Variants in CSMD1 observed in about 807,000 individuals in gnomAD.
CSMD1 encodes CUB and sushi domain-containing protein 1.
CSMD1 carries 213 observed loss-of-function variants against 417.5 expected under a neutral mutation model. The observed-to-expected ratio is 0.51, with a 90% confidence interval of 0.46 to 0.57. The LOEUF (loss-of-function observed/expected upper bound fraction) is 0.57. Ranked by LOEUF, CSMD1 falls within the 20% of genes least tolerant of loss-of-function variation. The pLI, the probability that CSMD1 is intolerant of heterozygous loss-of-function variation, is 0.00. For missense variants in CSMD1, 6,923 were observed against 4,529.7 expected (o/e 1.53, Z -15.17); for synonymous variants, 2,862 against 1,736.8 (o/e 1.65, Z -16.11).
intron 3 of CSMD1, among the ~76,000 whole-genome samples, chr8:4,394,212 G>A (rs752319492): frequency 2.0e-5 from 3 of 152,070 alleles, no homozygotes; most frequent in Non-Finnish European, 4.4e-5. Flanking sequence ...AAGTGCCTAG[G>A]TCTTAGAAAA....
At chr8:4,295,437 T>TATATAATCTTATTATACAC (rs1473672058) in intron 3 of CSMD1, among the ~76,000 whole-genome samples, 6 of 144,206 alleles carry the variant, frequency 4.2e-5, no homozygotes, top group South Asian at 4.4e-4. Flanking sequence ...TCTTAAGATA[T>TATATAATCTTATTATACAC]ATATAATCTT....
chr8:4,844,269 C>T (rs1337761044), intron 1 of CSMD1, among the ~76,000 whole-genome samples: 1 of 152,038 alleles, frequency 6.6e-6, no homozygotes, highest in African/African-American at 2.4e-5. Context: ...TTTGGGGACT[C>T]GGTGTTTTTG....
intron 7 of CSMD1, among the ~76,000 whole-genome samples, chr8:3,625,410 G>A (rs920875588): frequency 3.4e-5 from 5 of 149,112 alleles, no homozygotes; most frequent in Admixed American, 3.3e-4. Context: ...TACATTGCCA[G>A]ATTTTTTTGT....
At chr8:4,949,577 G>A (rs145180363) in intron 1 of CSMD1, among the ~76,000 whole-genome samples, 6 of 152,274 alleles carry the variant, frequency 3.9e-5, no homozygotes, top group South Asian at 2.1e-4. Flanking sequence ...ATCCAGTGAT[G>A]CTGCCAAAGT....
chr8:3,655,658 CGTTTTT>C (rs1798064833), intron 7 of CSMD1, among the ~76,000 whole-genome samples: 3 of 80,452 alleles, frequency 3.7e-5, no homozygotes, highest in Non-Finnish European at 5.3e-5. Context: ...ATGGAGGTTG[CGTTTTT>C]TTTTTTTTTT....
intron 3 of CSMD1, among the ~76,000 whole-genome samples, chr8:4,098,526 A>C (rs17068968): frequency 0.064 from 9,674 of 152,206 alleles, 768 homozygotes; most frequent in African/African-American, 0.18. Context: ...TGCGAAGTCA[A>C]CCACAGAGAG....
chr8:4,813,469 T>C (rs1477628064), intron 1 of CSMD1, among the ~76,000 whole-genome samples: 1 of 152,166 alleles, frequency 6.6e-6, no homozygotes, highest in East Asian at 1.9e-4. Context: ...ACAGAACGTA[T>C]CAAAAAATAA....
At chr8:3,957,806 A>G (rs1812064656) in intron 5 of CSMD1, among the ~76,000 whole-genome samples, 1 of 152,218 alleles carries the variant, frequency 6.6e-6, no homozygotes, top group African/African-American at 2.4e-5. Context: ...TTAGTTTCAT[A>G]AAGCTCAGAG....
At position 3,052,547 on chromosome 8, in the gene CSMD1, G is replaced by A; in HGVS notation, c.7575C>T (p.Phe2525=). The A allele has an allele frequency of 6.2e-7, 1 of 1,608,834 alleles. No individual in the cohort carries two copies. The highest frequency in any genetic ancestry group is 2.2e-5 in the East Asian group (1 of 44,746). The change falls in exon 50 of 70, where the codon TTC becomes TTT. Residue 2525 remains phenylalanine, a synonymous_variant. Transcript: ENST00000635120. ...SKVVYECHEG[F]KLESSQQATA... ...TTGCTTGCTGGCTGGATTCAAGCTTGAAGCCCTCATGACATTCATAGACCA... is the reference window on the plus strand; with the variant it reads ...TTGCTTGCTGGCTGGATTCAAGCTTAAAGCCCTCATGACATTCATAGACCA...
chr8:4,293,150 C>T (rs1797466789), intron 3 of CSMD1, among the ~76,000 whole-genome samples: 4 of 152,142 alleles, frequency 2.6e-5, no homozygotes, highest in African/African-American at 9.7e-5. Flanking sequence ...CGCACCTGCC[C>T]TTTGTCCAGT....
intron 6 of CSMD1, among the ~76,000 whole-genome samples, chr8:3,733,249 A>T (rs561671388): frequency 3.8e-5 from 4 of 104,690 alleles, no homozygotes; most frequent in African/African-American, 7.3e-5. Context: ...TACACATATT[A>T]ATATATATAC....
At chr8:3,844,842 A>G (rs1412795325) in intron 5 of CSMD1, among the ~76,000 whole-genome samples, 1 of 152,150 alleles carries the variant, frequency 6.6e-6, no homozygotes, top group Non-Finnish European at 1.5e-5. Context: ...TGTCTTTTGA[A>G]GGGAAAAATG....
intron 3 of CSMD1, among the ~76,000 whole-genome samples, chr8:4,135,871 T>G (rs987013098): frequency 1.3e-5 from 2 of 152,118 alleles, no homozygotes; most frequent in African/African-American, 4.8e-5. Context: ...ATAAGAAAAA[T>G]GTTCTGATAA....
At position 3,219,345 on chromosome 8, in the gene CSMD1, C is replaced by T; in HGVS notation, c.4582G>A (p.Glu1528Lys). The part of the protein sequence containing the change: ...IGSYQGSQAP[E>K]RIESSGNSLF... ...CTGTTTCCGCTACTCTCTATTCTTT[C>T]TGGGGCCTGAGAGCCCTGGTAACTC... Residue 1528 changes from glutamate to lysine, a missense_variant, in exon 29 of 70, where the codon GAA (glutamate) becomes AAA (lysine). Physicochemically the swap from Glu to Lys is moderately conservative, Grantham distance 56. Transcript: ENST00000635120. 3 of 1,577,718 alleles carry T rather than the reference C, an allele frequency of 1.9e-6. No homozygotes were observed. The highest frequency in any genetic ancestry group is 2.6e-6 in the Non-Finnish European group (3 of 1,160,674).
intron 54 of CSMD1, among the ~76,000 whole-genome samples, chr8:2,993,440 CAA>C (rs1178752939): frequency 1.3e-5 from 2 of 152,172 alleles, no homozygotes; most frequent in African/African-American, 2.4e-5. Flanking sequence ...GATCCTATTA[CAA>C]AAGAGGAGTG....
At chr8:3,782,461 A>G (rs1799233690) in intron 5 of CSMD1, among the ~76,000 whole-genome samples, 1 of 152,188 alleles carries the variant, frequency 6.6e-6, no homozygotes, top group East Asian at 1.9e-4. Context: ...ATGACGCATA[A>G]CATGTATAGA....
intron 3 of CSMD1, among the ~76,000 whole-genome samples, chr8:4,215,223 G>C (rs913148132): frequency 6.6e-6 from 1 of 152,216 alleles, no homozygotes; most frequent in African/African-American, 2.4e-5. Flanking sequence ...CCTCTAGGTA[G>C]AAATTCTTGA....
chr8:4,000,067 T>G (rs1815545532), intron 4 of CSMD1, among the ~76,000 whole-genome samples: 4 of 152,246 alleles, frequency 2.6e-5, no homozygotes, highest in Admixed American at 2.6e-4. Flanking sequence ...ACTGCAAAAG[T>G]ACTTCCTGTG....
At chr8:3,785,606 A>G (rs923661358) in intron 5 of CSMD1, among the ~76,000 whole-genome samples, 1 of 152,238 alleles carries the variant, frequency 6.6e-6, no homozygotes, top group African/African-American at 2.4e-5. Context: ...GATCTCATTT[A>G]TAAGATGTTA....
Sources: gnomAD v4.1 joint callset for allele counts (sites outside exome capture counted in the v4.1 genomes callset) on GRCh38, gnomAD v4.1.1 for gene constraint, MANE v1.5 for transcripts, NCBI Gene and HGNC (gene_info 2026-07-23, HGNC 2026-07-21) for gene names.